Variants in MAP3K7CL observed in about 807,000 individuals in gnomAD.
The protein encoded by MAP3K7CL is MAP3K7 C-terminal like.
In MAP3K7CL, 16 loss-of-function variants were observed where a neutral mutation model predicts 18.6. The observed-to-expected ratio is 0.86, with a 90% CI of 0.58 to 1.31. The LOEUF (loss-of-function observed/expected upper bound fraction) is 1.31. MAP3K7CL is among the 50% of genes most tolerant of loss of function. The pLI, the probability that MAP3K7CL is intolerant of heterozygous loss-of-function variation, is 0.00. For missense variants in MAP3K7CL, 163 were observed against 174.4 expected, an observed-to-expected ratio of 0.93 and a Z score of 0.37; for synonymous variants, 65 against 66.8, an observed-to-expected ratio of 0.97 and a Z score of 0.13.
intron 2 of MAP3K7CL, among the ~76,000 whole-genome samples, chr21:29,146,624 A>T (rs1188778910): frequency 6.6e-6 from 1 of 152,126 alleles, no homozygotes; most frequent in Non-Finnish European, 1.5e-5. Context: ...GGGCTTGGGA[A>T]ATTTCTCAGT....
chr21:29,168,342 C>A (rs2087742749), intron 4 of MAP3K7CL, among the ~76,000 whole-genome samples: 1 of 152,192 alleles, frequency 6.6e-6, no homozygotes, highest in Non-Finnish European at 1.5e-5. Context: ...CCAAGACTGA[C>A]TTGGCTAGCA....
intron 2 of MAP3K7CL, among the ~76,000 whole-genome samples, chr21:29,134,563 A>G (rs2086843249): frequency 6.6e-6 from 1 of 152,172 alleles, no homozygotes; most frequent in African/African-American, 2.4e-5. Context: ...ACTCTTCATA[A>G]TCAGTTTTTC....
Position 29,175,039 on chromosome 21 carries a change from C to A in MAP3K7CL, c.*147C>A. The stretch of plus-strand genomic sequence containing the variant: ...TGTCTATAATGAGTTTACTGCTTGC[C>A]AGCTTCTAGCTTGAGAGAAGGGATA... On this transcript the variant is annotated 3_prime_UTR_variant, in exon 5 of 5. Transcript: ENST00000399928. 1 of 671,362 alleles carries A rather than the reference C, an allele frequency of 1.5e-6. No homozygotes were observed. Among genetic ancestry groups the A allele is most frequent in the Non-Finnish European group, 2.3e-6 (1 of 428,046 alleles). 41.6% of individuals were successfully genotyped at this position (671,362 alleles called of 1,614,324 possible). A position where few individuals can be genotyped will look rare whatever the true frequency, so the allele number is the denominator to read the frequency against.
intron 1 of MAP3K7CL, among the ~76,000 whole-genome samples, chr21:29,079,373 G>A (rs1382435983): frequency 1.3e-5 from 2 of 152,208 alleles, no homozygotes; most frequent in African/African-American, 4.8e-5. Flanking sequence ...AAAGGCCCAT[G>A]CTAATCTGAG....
chr21:29,145,514 C>T (rs1359433771), intron 2 of MAP3K7CL: 3 of 152,234 alleles, frequency 2.0e-5, no homozygotes, highest in Non-Finnish European at 4.4e-5. Context: ...ATTCATCATC[C>T]TGCTTTTAGA....
In MAP3K7CL at chr21:29,130,711, G is replaced by A; in HGVS notation, c.-252G>A. On this transcript the variant is annotated 5_prime_UTR_variant, in exon 1 of 5. Transcript: ENST00000399928. Reference sequence around the variant, plus strand: ...GGTTGTGAAGGGAAGCGGAAGGGAAGGGAAGGGAGGTCCCGTGGGACGCTG... The same window carrying A: ...GGTTGTGAAGGGAAGCGGAAGGGAAAGGAAGGGAGGTCCCGTGGGACGCTG... The A allele has an allele frequency of 3.0e-6, 3 of 985,572 alleles. No homozygotes were observed. Among genetic ancestry groups the A allele is most frequent in the Non-Finnish European group, 3.6e-6 (3 of 830,006 alleles). The allele number at this position is 985,572 out of a possible 1,614,324, so 61.1% of individuals were successfully genotyped here.
At chr21:29,085,469 C>A (rs2085907562), upstream of MAP3K7CL, among the ~76,000 whole-genome samples, 1 of 146,028 alleles carries the variant, frequency 6.8e-6, no homozygotes, top group African/African-American at 2.5e-5. Context: ...ATGGAGTGAA[C>A]CCGGGAGGCG....
At chr21:29,082,520 A>G (rs114560267), upstream of MAP3K7CL, among the ~76,000 whole-genome samples, 1,254 of 152,286 alleles carry the variant, frequency 8.2e-3, 15 homozygotes, top group African/African-American at 0.028. Flanking sequence ...GGAACAATTC[A>G]GCTGTGCATC....
chr21:29,149,342 A>G (rs2146686813), intron 3 of MAP3K7CL, 92 bp downstream of exon 3: 1 of 1,086,652 alleles, frequency 9.2e-7, no homozygotes, highest in Non-Finnish European at 1.4e-6. Context: ...GGGGAGACTG[A>G]CTTGGACCCA....
At chr21:29,151,976 C>T (rs947423880) in intron 3 of MAP3K7CL, among the ~76,000 whole-genome samples, 4 of 152,140 alleles carry the variant, frequency 2.6e-5, no homozygotes, top group Non-Finnish European at 5.9e-5. Flanking sequence ...TAGTTTCTGG[C>T]TCATGGTTTT....
chr21:29,147,702 T>C (rs537513413), intron 2 of MAP3K7CL, among the ~76,000 whole-genome samples: 2 of 151,806 alleles, frequency 1.3e-5, no homozygotes, highest in Non-Finnish European at 1.5e-5. Context: ...GTATGTGTAC[T>C]GTATGTGTAT....
upstream of MAP3K7CL, among the ~76,000 whole-genome samples, chr21:29,084,323 G>C (rs534632873): frequency 6.6e-6 from 1 of 152,094 alleles, no homozygotes; most frequent in Non-Finnish European, 1.5e-5. Flanking sequence ...ATGGGAACTA[G>C]AGGGTCATTG....
chr21:29,147,799 T>G (rs145486344), intron 2 of MAP3K7CL, among the ~76,000 whole-genome samples: 1 of 151,978 alleles, frequency 6.6e-6, no homozygotes, highest in Non-Finnish European at 1.5e-5. Flanking sequence ...GTATCTGTAC[T>G]GTATATGTGT....
upstream of MAP3K7CL, chr21:29,085,726 T>C (rs529082923): frequency 3.2e-5 from 25 of 788,132 alleles, no homozygotes; most frequent in African/African-American, 2.9e-4. Context: ...TTAACATTAA[T>C]TGAATGCCAA....
intron 4 of MAP3K7CL, among the ~76,000 whole-genome samples, chr21:29,106,445 C>T (rs2086324795): frequency 6.6e-6 from 1 of 152,100 alleles, no homozygotes; most frequent in South Asian, 2.1e-4. Flanking sequence ...GGCAGTACTT[C>T]CGAAGAAAGA....
chr21:29,140,720 T>C (rs2086988349), intron 2 of MAP3K7CL, among the ~76,000 whole-genome samples: 1 of 152,206 alleles, frequency 6.6e-6, no homozygotes, highest in African/African-American at 2.4e-5. Context: ...AAAGAAGGGG[T>C]AAATTTTATT....
chr21:29,121,890 G>A (rs2086600286), intron 4 of MAP3K7CL, among the ~76,000 whole-genome samples: 1 of 151,916 alleles, frequency 6.6e-6, no homozygotes, highest in South Asian at 2.1e-4. Flanking sequence ...TCCTCACAAT[G>A]TGTTCTTGCT....
At chr21:29,093,306 A>T (rs188358968) in intron 4 of MAP3K7CL, among the ~76,000 whole-genome samples, 21 of 152,334 alleles carry the variant, frequency 1.4e-4, no homozygotes, top group South Asian at 1.2e-3. Context: ...TCCATTTTTC[A>T]TACTGAATAA....
At chr21:29,165,023 T>C (rs1264056866) in intron 4 of MAP3K7CL, among the ~76,000 whole-genome samples, 4 of 152,224 alleles carry the variant, frequency 2.6e-5, no homozygotes, top group Non-Finnish European at 5.9e-5. Context: ...AAATGAGATA[T>C]AGACATTTTA....
Sources: allele counts gnomAD v4.1 joint callset (sites outside exome capture counted in the v4.1 genomes callset), GRCh38; gene constraint gnomAD v4.1.1; transcripts MANE v1.5; gene names NCBI Gene and HGNC (gene_info 2026-07-23, HGNC 2026-07-21).